RNGTT: variants seen among roughly 807,000 people sequenced by gnomAD.
RNGTT encodes mRNA-capping enzyme.
RNGTT carries 33 observed loss-of-function variants against 79.3 expected under a neutral mutation model. The ratio of observed to expected loss-of-function variants is 0.42; its 90% confidence interval spans 0.32 to 0.56. RNGTT has a LOEUF of 0.56. Ranked by LOEUF, RNGTT falls within the 20% of genes least tolerant of loss-of-function variation. The pLI is 0.17. For synonymous variants in RNGTT, 222 were observed against 235.9 expected, an observed-to-expected ratio of 0.94 and a Z score of 0.54; for missense variants, 497 against 739.1, an observed-to-expected ratio of 0.67 and a Z score of 3.80.
intron 14 of RNGTT, among the ~76,000 whole-genome samples, chr6:88,665,107 T>C (rs1268482463): frequency 2.0e-5 from 3 of 152,036 alleles, no homozygotes. Context: ...TCTTTACAAC[T>C]GAAGTTGCCT....
intron 14 of RNGTT, among the ~76,000 whole-genome samples, chr6:88,676,859 A>T (rs1278633347): frequency 1.3e-5 from 2 of 152,216 alleles, no homozygotes; most frequent in African/African-American, 4.8e-5. Flanking sequence ...CGGAAATGTA[A>T]TACAACTACC....
At chr6:88,757,274 C>T (rs933439314) in intron 13 of RNGTT, among the ~76,000 whole-genome samples, 5 of 151,998 alleles carry the variant, frequency 3.3e-5, no homozygotes, top group Admixed American at 6.6e-5. Flanking sequence ...CAAGGAAAAG[C>T]AAGCAGGACA....
intron 12 of RNGTT, among the ~76,000 whole-genome samples, chr6:88,789,827 T>C (rs930060329): frequency 1.3e-5 from 2 of 152,238 alleles, no homozygotes; most frequent in African/African-American, 4.8e-5. Context: ...GCTTTGCCTG[T>C]GCTTCATCAG....
At chr6:88,840,104 A>G (rs1330347679) in intron 11 of RNGTT, among the ~76,000 whole-genome samples, 1 of 152,236 alleles carries the variant, frequency 6.6e-6, no homozygotes, top group African/African-American at 2.4e-5. Context: ...TTCTTAAAAT[A>G]AATGATCTAT....
At chr6:88,718,627 AC>A (rs1292247183) in intron 13 of RNGTT, among the ~76,000 whole-genome samples, 17 of 152,042 alleles carry the variant, frequency 1.1e-4, no homozygotes, top group African/African-American at 4.1e-4. Flanking sequence ...AAAGAAAAAT[AC>A]TTTAAAGAGG....
chr6:88,662,452 G>A (rs1340571578), intron 14 of RNGTT, among the ~76,000 whole-genome samples: 2 of 152,232 alleles, frequency 1.3e-5, no homozygotes, highest in African/African-American at 4.8e-5. Context: ...AGAGTTGTAA[G>A]CCCTTAAAAG....
intron 4 of RNGTT, among the ~76,000 whole-genome samples, chr6:88,922,465 G>C (rs1784192420): frequency 6.6e-6 from 1 of 151,972 alleles, no homozygotes; most frequent in Non-Finnish European, 1.5e-5. Flanking sequence ...CAAAAGAAGA[G>C]TTATAAATTC....
intron 13 of RNGTT, among the ~76,000 whole-genome samples, chr6:88,713,531 C>T (rs1302796592): frequency 6.6e-6 from 1 of 152,060 alleles, no homozygotes; most frequent in Non-Finnish European, 1.5e-5. Flanking sequence ...ATGGTAGCAT[C>T]GATAGTTTAT....
In RNGTT at chr6:88,891,921, A is replaced by C; in HGVS notation, c.685-6T>G. On this transcript the variant is annotated splice_region_variant and splice_polypyrimidine_tract_variant and intron_variant, in intron 6 of 15. Transcript: ENST00000369485. ...CCTTCCAAGAAAATAGCGCCCTTTA[A>C]AAAAAAAATAAGAAAAATAAGGGAA... 2.6e-6 allele frequency: 4 copies of C among 1,521,210 alleles called. No individual in the cohort carries two copies. Among genetic ancestry groups the C allele is most frequent in the Non-Finnish European group, 3.5e-6 (4 of 1,134,174 alleles). 94.2% of individuals were successfully genotyped at this position (1,521,210 alleles called of 1,614,324 possible).
In RNGTT at chr6:88,806,429, T is replaced by C. The variant is rs371444700; in HGVS notation, c.1270-4797A>G. Among the ~76,000 whole-genome samples the C allele has an allele frequency of 1.9e-3, 281 of 151,718 alleles. 6 individuals are homozygous for C. The highest frequency in any genetic ancestry group is 6.5e-3 in the African/African-American group (269 of 41,362). ...GCTTCCCGGGTTCAAGAGATTCTCC[T>C]GCCTCGGCCTCCTAAGTAGCTAGAT... On this transcript the variant is annotated intron_variant, in intron 11 of 15. Coordinates refer to ENST00000369485, the MANE Select transcript of RNGTT (RefSeq NM_003800.5).
chr6:88,625,162 G>A (rs751644658), intron 14 of RNGTT, among the ~76,000 whole-genome samples: 2 of 151,878 alleles, frequency 1.3e-5, no homozygotes, highest in African/African-American at 4.8e-5. Context: ...TTGGAAAACA[G>A]TTTGGCAGTT....
At chr6:88,674,027 G>C (rs1249794870) in intron 14 of RNGTT, among the ~76,000 whole-genome samples, 3 of 152,194 alleles carry the variant, frequency 2.0e-5, no homozygotes, top group Non-Finnish European at 4.4e-5. Flanking sequence ...TTTATGAAGA[G>C]AATCTTGCCA....
At chr6:88,688,198 TAACA>T (rs1384881507) in intron 13 of RNGTT, among the ~76,000 whole-genome samples, 2 of 152,176 alleles carry the variant, frequency 1.3e-5, no homozygotes, top group Admixed American at 6.5e-5. Flanking sequence ...TACTAGGATT[TAACA>T]AACAAATATA....
intron 11 of RNGTT, among the ~76,000 whole-genome samples, chr6:88,825,021 G>A (rs1189541319): frequency 1.3e-5 from 2 of 152,078 alleles, no homozygotes; most frequent in African/African-American, 4.8e-5. Flanking sequence ...GGGATTACAG[G>A]TGTGAGCCAC....
intron 13 of RNGTT, among the ~76,000 whole-genome samples, chr6:88,694,743 T>C (rs1775601521): frequency 6.6e-6 from 1 of 152,132 alleles, no homozygotes; most frequent in East Asian, 1.9e-4. Flanking sequence ...GCCATAAAAA[T>C]AGATACGCTG....
chr6:88,709,333 GA>G (rs1776245410), intron 13 of RNGTT, among the ~76,000 whole-genome samples: 1 of 150,468 alleles, frequency 6.6e-6, no homozygotes, highest in African/African-American at 2.4e-5. Context: ...ATTAAGAAAA[GA>G]ATCTTATGCT....
intron 14 of RNGTT, among the ~76,000 whole-genome samples, chr6:88,674,627 C>T (rs896498304): frequency 6.6e-6 from 1 of 152,068 alleles, no homozygotes; most frequent in African/African-American, 2.4e-5. Flanking sequence ...TTAGTCTACT[C>T]TGAAAAATCC....
chr6:88,819,627 T>C (rs1273468335), intron 11 of RNGTT, among the ~76,000 whole-genome samples: 2 of 152,188 alleles, frequency 1.3e-5, no homozygotes, highest in African/African-American at 2.4e-5. Context: ...ACTTTAGTAC[T>C]TGAATCATCC....
chr6:88,642,842 A>G (rs1019853324), intron 14 of RNGTT, among the ~76,000 whole-genome samples: 10 of 152,210 alleles, frequency 6.6e-5, no homozygotes, highest in Non-Finnish European at 1.3e-4. Flanking sequence ...GCCTATTTAT[A>G]AAAATACTTT....
Sources: gnomAD v4.1 joint callset for allele counts (sites outside exome capture counted in the v4.1 genomes callset) on GRCh38, gnomAD v4.1.1 for gene constraint, MANE v1.5 for transcripts, NCBI Gene and HGNC (gene_info 2026-07-23, HGNC 2026-07-21) for gene names.